SRGAP2: variants seen among roughly 807,000 people sequenced by gnomAD.
SRGAP2 encodes the protein SLIT-ROBO Rho GTPase activating protein 2.
In SRGAP2, 15 loss-of-function variants were observed where a neutral mutation model predicts 57.2. That is an observed-to-expected ratio of 0.26 (90% CI 0.18 to 0.40). The LOEUF (loss-of-function observed/expected upper bound fraction) is 0.40, where lower values mean the gene tolerates loss of function less well. SRGAP2 is among the 10% of genes least tolerant of loss of function. The pLI is 1.00. For synonymous variants in SRGAP2, 249 were observed against 248.0 expected, an observed-to-expected ratio of 1.00 and a Z score of -0.04; for missense variants, 520 against 669.6, an observed-to-expected ratio of 0.78 and a Z score of 2.47.
intron 4 of SRGAP2, among the ~76,000 whole-genome samples, chr1:206,371,743 G>A (rs1285597700): frequency 2.0e-3 from 130 of 66,284 alleles, no homozygotes; most frequent in Admixed American, 3.1e-3. Flanking sequence ...AAAAAAAAAA[G>A]AAAAAAAATA....
intron 2 of SRGAP2, among the ~76,000 whole-genome samples, chr1:206,282,152 T>A (rs1670776694): frequency 1.4e-5 from 1 of 73,066 alleles, no homozygotes; most frequent in East Asian, 3.9e-4. Flanking sequence ...GGAACCAGAT[T>A]GAATCAAATG....
intron 2 of SRGAP2, among the ~76,000 whole-genome samples, chr1:206,290,390 TA>T (rs1671243302): frequency 6.6e-6 from 1 of 152,178 alleles, no homozygotes; most frequent in African/African-American, 2.4e-5. Context: ...CTCATGCCTG[TA>T]ATCCCAGCAC....
At chr1:206,313,267 G>A (rs1227121421) in intron 3 of SRGAP2, among the ~76,000 whole-genome samples, 2 of 133,018 alleles carry the variant, frequency 1.5e-5, no homozygotes, top group Non-Finnish European at 3.2e-5. Flanking sequence ...AATAAAAGGA[G>A]TAGTTCTTTC....
chr1:206,267,568 T>C (rs1368775659), intron 2 of SRGAP2, among the ~76,000 whole-genome samples: 1 of 151,702 alleles, frequency 6.6e-6, no homozygotes, highest in African/African-American at 2.4e-5. Flanking sequence ...TTTTTTCATA[T>C]AAAATGTCCA....
chr1:206,439,601 A>C (rs1271130793), intron 16 of SRGAP2, among the ~76,000 whole-genome samples: 1 of 152,016 alleles, frequency 6.6e-6, no homozygotes, highest in African/African-American at 2.4e-5. Flanking sequence ...AACATTTCTA[A>C]CCCCATTTCC....
At chr1:206,211,050 A>C (rs1320991091) in intron 2 of SRGAP2, among the ~76,000 whole-genome samples, 1 of 152,020 alleles carries the variant, frequency 6.6e-6, no homozygotes, top group African/African-American at 2.4e-5. Flanking sequence ...TGTACTGTGC[A>C]AAGAAGCAGT....
intron 2 of SRGAP2, among the ~76,000 whole-genome samples, chr1:206,272,887 C>T (rs1473206069): frequency 5.3e-5 from 8 of 152,140 alleles, no homozygotes; most frequent in South Asian, 2.1e-4. Flanking sequence ...CAGACCATTG[C>T]GTTAAAGCGT....
chr1:206,273,883 G>A (rs1200272362), intron 2 of SRGAP2, among the ~76,000 whole-genome samples: 9 of 150,722 alleles, frequency 6.0e-5, no homozygotes, highest in East Asian at 3.9e-4. Context: ...GAGTGTAGAC[G>A]TTGTGGGACC....
intron 15 of SRGAP2, 43 bp from the exon 16 acceptor site, chr1:206,437,921 T>G (rs782245230): frequency 1.3e-6 from 1 of 778,610 alleles, no homozygotes; most frequent in East Asian, 2.4e-5. Flanking sequence ...TGTTTTTGCC[T>G]CTCTCACTCT....
At chr1:206,412,783 AT>A (rs1182804317) in intron 10 of SRGAP2, among the ~76,000 whole-genome samples, 2 of 152,208 alleles carry the variant, frequency 1.3e-5, no homozygotes, top group African/African-American at 4.8e-5. Context: ...AAGGTCACTT[AT>A]CCCCAACGAG....
intron 4 of SRGAP2, among the ~76,000 whole-genome samples, chr1:206,352,965 G>A (rs1553338514): frequency 1.3e-5 from 2 of 152,072 alleles, no homozygotes; most frequent in African/African-American, 4.8e-5. Context: ...GGGATTACAG[G>A]CGTGAGCTGC....
At chr1:206,249,438 T>C (rs1350887462) in intron 2 of SRGAP2, among the ~76,000 whole-genome samples, 8 of 152,106 alleles carry the variant, frequency 5.3e-5, no homozygotes, top group African/African-American at 1.9e-4. Context: ...TTCATGTCCT[T>C]TGCAGGGACA....
intron 2 of SRGAP2, among the ~76,000 whole-genome samples, chr1:206,209,943 T>G (rs1160232928): frequency 8.3e-6 from 1 of 120,144 alleles, no homozygotes; most frequent in Admixed American, 8.0e-5. Flanking sequence ...ATTTTTATTG[T>G]TTTTTTTTTT....
At position 206,462,532 on chromosome 1, in the gene SRGAP2, A is replaced by C. The variant is rs1314406821; in HGVS notation, c.*1112A>C. The C allele has an allele frequency of 1.3e-5, 2 of 152,514 alleles. No individual in the cohort carries two copies. The highest frequency in any genetic ancestry group is 2.9e-5 in the Non-Finnish European group (2 of 68,034). 9.4% of individuals were successfully genotyped at this position (152,514 alleles called of 1,614,324 possible). On this transcript the variant is annotated 3_prime_UTR_variant, in exon 23 of 23. Coordinates refer to ENST00000573034, the MANE Select transcript of SRGAP2 (RefSeq NM_015326.5). ...ATCCAGAAATTGTTCCCAAATGAAA[A>C]CTTGTTTTAAGTCCACCCCTTAGTT...
intron 8 of SRGAP2, among the ~76,000 whole-genome samples, chr1:206,402,133 C>G (rs1459336263): frequency 3.3e-5 from 5 of 151,992 alleles, no homozygotes; most frequent in Non-Finnish European, 5.9e-5. Flanking sequence ...ATGCTGTGAT[C>G]TTTTGGCATT....
At position 206,454,862 on chromosome 1, in the gene SRGAP2, G is replaced by T. The variant is rs1553377761; in HGVS notation, c.2361-16G>T. On this transcript the variant is annotated splice_polypyrimidine_tract_variant and intron_variant, in intron 20 of 22. Transcript: ENST00000573034. The surrounding 1 kb of genome is among the most constrained non-coding windows in gnomAD (Gnocchi z 4.3). ...TGTTTTCCCTCCTCCCTGCCTGCCTGCCCCTTCTCCCCCAGCGAGGACGGT... is the reference window on the plus strand; with the variant it reads ...TGTTTTCCCTCCTCCCTGCCTGCCTTCCCCTTCTCCCCCAGCGAGGACGGT... 6.7e-6 allele frequency: 5 copies of T among 742,212 alleles called. No homozygotes were observed. The highest frequency in any genetic ancestry group is 1.3e-5 in the Non-Finnish European group (5 of 398,600). The allele number at this position is 742,212 out of a possible 1,614,324, so 46.0% of individuals were successfully genotyped here.
intron 2 of SRGAP2, among the ~76,000 whole-genome samples, chr1:206,290,989 G>A (rs1671287622): frequency 6.9e-6 from 1 of 145,756 alleles, no homozygotes; most frequent in Admixed American, 6.6e-5. Context: ...TAAAAAGGTG[G>A]TTGCCCCTCT....
intron 2 of SRGAP2, among the ~76,000 whole-genome samples, chr1:206,286,975 G>A (rs1282136285): frequency 3.3e-5 from 5 of 152,196 alleles, no homozygotes; most frequent in Non-Finnish European, 7.3e-5. Flanking sequence ...AGGGAAGCAA[G>A]GGAGGAGGCA....
At chr1:206,260,929 C>A (rs1429297513) in intron 2 of SRGAP2, among the ~76,000 whole-genome samples, 1 of 152,226 alleles carries the variant, frequency 6.6e-6, no homozygotes, top group East Asian at 1.9e-4. Flanking sequence ...ACGAGTGCAA[C>A]ATTGATGATG....
Sources: allele counts gnomAD v4.1 joint callset (sites outside exome capture counted in the v4.1 genomes callset), GRCh38; gene constraint gnomAD v4.1.1; non-coding constraint Gnocchi (gnomAD v3.1); transcripts MANE v1.5; gene names NCBI Gene and HGNC (gene_info 2026-07-23, HGNC 2026-07-21).